The following PTDSS2 variants were observed in gnomAD, a reference collection of about 807,000 sequenced individuals.
PTDSS2 encodes the protein PSS-2.
In PTDSS2, 41 loss-of-function variants were observed where a neutral mutation model predicts 64.7. That is an observed-to-expected ratio of 0.63 (90% CI 0.49 to 0.82). The LOEUF is 0.82. Ranked by LOEUF, PTDSS2 falls within the 40% of genes least tolerant of loss-of-function variation. PTDSS2 has a pLI of 0.00. For synonymous variants in PTDSS2, 297 were observed against 277.8 expected (o/e 1.07, Z -0.69); for missense variants, 485 against 650.0 (o/e 0.75, Z 2.76).
chr11:469,555 G>A (rs1473437127), intron 2 of PTDSS2, among the ~76,000 whole-genome samples: 4 of 152,058 alleles, frequency 2.6e-5, no homozygotes, highest in African/African-American at 9.7e-5. Context: ...TCAGAGGGAC[G>A]AGGTTGGAGT....
chr11:453,135 G>A (rs551943423), intron 1 of PTDSS2, among the ~76,000 whole-genome samples: 7 of 152,290 alleles, frequency 4.6e-5, no homozygotes, highest in African/African-American at 7.2e-5. Context: ...GGGATAGGGC[G>A]TGCGGTTCGA....
intron 3 of PTDSS2, among the ~76,000 whole-genome samples, chr11:477,889 G>C (rs565269576): frequency 6.6e-6 from 1 of 152,224 alleles, no homozygotes; most frequent in African/African-American, 2.4e-5. Flanking sequence ...GATCTCAGTC[G>C]TCTGTCTTGG....
At chr11:475,092 G>A (rs1288687995) in intron 3 of PTDSS2, among the ~76,000 whole-genome samples, 1 of 64,492 alleles carries the variant, frequency 1.6e-5, no homozygotes, top group African/African-American at 7.7e-5. Flanking sequence ...GTGTTTGTGT[G>A]TGGGACATAT....
Position 484,482 on chromosome 11 carries a change from C to T in PTDSS2, c.436-2457C>T, listed in dbSNP as rs1048059611. ...TGTGTGCACTCACTGTGTGTGCAGG[C>T]GTCTGTAAACACAGCCAGTGCAGGG... On this transcript the variant is annotated intron_variant, in intron 4 of 11. Coordinates refer to ENST00000308020, the MANE Select transcript of PTDSS2 (RefSeq NM_030783.3). Among the ~76,000 whole-genome samples, 6 of 152,364 alleles carry T rather than the reference C, an allele frequency of 3.9e-5. No homozygotes were observed. The South Asian group carries it at 8.3e-4, about 21-fold the overall frequency.
chr11:490,317 C>T, intron 11 of PTDSS2, 103 bp from the exon 12 acceptor site: 3 of 1,513,640 alleles, frequency 2.0e-6, no homozygotes, highest in Non-Finnish European at 1.8e-6. Context: ...GGCACCCACC[C>T]AGTCCATTCC....
At chr11:472,894 G>A (rs540280011) in intron 2 of PTDSS2, among the ~76,000 whole-genome samples, 44 of 152,348 alleles carry the variant, frequency 2.9e-4, no homozygotes, top group African/African-American at 1.0e-3. Context: ...AACACGCCAA[G>A]GTGTGACTGT....
In PTDSS2 at chr11:450,366, C is replaced by G. The variant is rs192438757; in HGVS notation, c.-90C>G. On this transcript the variant is annotated 5_prime_UTR_variant, in exon 1 of 12. Coordinates refer to ENST00000308020, the MANE Select transcript of PTDSS2 (RefSeq NM_030783.3). ...AGCGCCGCGACCCCTTCCCAGCGCTCCTCGCGCTGTGTGCGGCGCGTCCTC... is the reference window on the plus strand; with the variant it reads ...AGCGCCGCGACCCCTTCCCAGCGCTGCTCGCGCTGTGTGCGGCGCGTCCTC... 1.0e-3 allele frequency: 1,190 copies of G among 1,138,606 alleles called. 12 individuals are homozygous for G. The African/African-American group carries it at 0.017, about 17-fold the overall frequency. 70.5% of individuals were successfully genotyped at this position (1,138,606 alleles called of 1,614,324 possible).
intron 3 of PTDSS2, among the ~76,000 whole-genome samples, chr11:475,288 G>GTTTGTGATACGGACATATTCACA (rs1847727700): frequency 7.7e-6 from 1 of 129,072 alleles, no homozygotes; most frequent in African/African-American, 3.1e-5. Context: ...CCATATTCAC[G>GTTTGTGATACGGACATATTCACA]CGTTTGTGTG....
At chr11:487,995 C>T (rs1223527389) in intron 6 of PTDSS2, among the ~76,000 whole-genome samples, 1 of 148,976 alleles carries the variant, frequency 6.7e-6, no homozygotes, top group Non-Finnish European at 1.5e-5. Context: ...GGGGGCTGCA[C>T]GCACCCGTGG....
intron 1 of PTDSS2, among the ~76,000 whole-genome samples, chr11:457,322 G>A (rs1303974418): frequency 3.3e-5 from 5 of 152,238 alleles, no homozygotes; most frequent in Admixed American, 6.5e-5. Context: ...CCGTGTCTCC[G>A]CTCCAGTCTG....
intron 3 of PTDSS2, among the ~76,000 whole-genome samples, chr11:475,429 C>A (rs1376091454): frequency 7.0e-6 from 1 of 142,286 alleles, no homozygotes; most frequent in Non-Finnish European, 1.5e-5. Context: ...TTTGTGTGTA[C>A]AGACATTCAC....
chr11:484,190 T>A (rs2133826088), intron 4 of PTDSS2, among the ~76,000 whole-genome samples: 1 of 152,356 alleles, frequency 6.6e-6, no homozygotes, highest in South Asian at 2.1e-4. Flanking sequence ...GCCCAAATTC[T>A]TTTGCCAAAA....
rs113778462 is a variant in PTDSS2 at position 479,695 on chromosome 11, T to G, written c.435+543T>G. On this transcript the variant is annotated intron_variant, in intron 4 of 11. Coordinates refer to ENST00000308020, the MANE Select transcript of PTDSS2 (RefSeq NM_030783.3). This position sits in a 1 kb window ranked among gnomAD's most constrained non-coding sequence, Gnocchi z 4.2. ...TTTGTGGTTGACCAGTGTGACTGTGTGTGCTTCTTCCCCATCCTGACCACA... is the reference window on the plus strand; with the variant it reads ...TTTGTGGTTGACCAGTGTGACTGTGGGTGCTTCTTCCCCATCCTGACCACA... Among the ~76,000 whole-genome samples, 1,099 of 151,896 alleles carry G rather than the reference T, an allele frequency of 7.2e-3. 13 individuals carry two copies. The highest frequency in any genetic ancestry group is 0.025 in the African/African-American group (1,051 of 41,332).
In PTDSS2 at chr11:487,045, A is replaced by G. The variant is rs1412683606; in HGVS notation, c.542A>G (p.Asn181Ser). 6.2e-7 allele frequency: 1 copy of G among 1,613,534 alleles called. No homozygotes were observed. Among genetic ancestry groups the G allele is most frequent in the East Asian group, 2.2e-5 (1 of 44,886 alleles). ...GGNCLIYDPD[N>S]ETDPFHNIWD... ...AACTGCCTCATCTACGACCCAGACA[A>G]TGAGACTGACCCCTTTCACAACATC... Residue 181 changes from asparagine (N) to serine (S), a missense_variant, in exon 5 of 12, where the codon AAT becomes AGT. Asn to Ser is a conservative substitution (Grantham distance 46). Coordinates refer to ENST00000308020, the MANE Select transcript of PTDSS2 (RefSeq NM_030783.3).
In PTDSS2 at chr11:489,970, C is replaced by G; in HGVS notation, c.1203C>G (p.Pro401=). The change falls in exon 11 of 12, where the codon CCC becomes CCG. Residue 401 remains proline (P), a synonymous_variant. Coordinates refer to ENST00000308020, the MANE Select transcript of PTDSS2 (RefSeq NM_030783.3). ...TGCTCATCGTGGTGAAGTACGACCC[C>G]CACACGCTCACCCTGTCCCTGCCCT... The part of the protein sequence containing the change: ...TELLIVVKYD[P]HTLTLSLPFY... 6.2e-7 allele frequency: 1 copy of G among 1,612,132 alleles called. No individual in the cohort carries two copies. The highest frequency in any genetic ancestry group is 8.5e-7 in the Non-Finnish European group (1 of 1,179,928).
intron 2 of PTDSS2, among the ~76,000 whole-genome samples, chr11:465,737 C>A (rs1847109410): frequency 6.7e-6 from 1 of 149,462 alleles, no homozygotes; most frequent in African/African-American, 2.5e-5. Context: ...CCAGCCTGGG[C>A]AACATAGTGA....
At position 473,911 on chromosome 11, in the gene PTDSS2, A is replaced by G. The variant is rs1437249192; in HGVS notation, c.301A>G (p.Ile101Val). 1.9e-6 allele frequency: 3 copies of G among 1,613,576 alleles called. No homozygotes were observed. Among genetic ancestry groups the G allele is most frequent in the Admixed American group, 3.3e-5 (2 of 60,024 alleles). The change falls in exon 3 of 12, where the codon ATT becomes GTT. Residue 101 changes from isoleucine to valine, a missense_variant. Around this residue, in one of 3 missense-constraint regions of PTDSS2, gnomAD observed 251 missense variants for 348.0 expected, o/e 0.72. Transcript: ENST00000308020. ...TATTTGCAGAGGTATTGTGGCCAGTATTTTGGTTTTCTTATGTTTTGGAGT... is the reference window on the plus strand; with the variant it reads ...TATTTGCAGAGGTATTGTGGCCAGTGTTTTGGTTTTCTTATGTTTTGGAGT... ...YNTKRGIVAS[I>V]LVFLCFGVTQ...
intron 1 of PTDSS2, among the ~76,000 whole-genome samples, chr11:456,887 A>G (rs1846622425): frequency 6.6e-6 from 1 of 152,196 alleles, no homozygotes; most frequent in South Asian, 2.1e-4. Flanking sequence ...CTAAAGAAAA[A>G]GGTGGTTGAT....
intron 2 of PTDSS2, among the ~76,000 whole-genome samples, chr11:473,542 C>A (rs888430712): frequency 1.4e-5 from 2 of 147,758 alleles, no homozygotes; most frequent in South Asian, 4.3e-4. Flanking sequence ...GGCCACTGGG[C>A]GGGCTGCAAA....
Sources: gnomAD v4.1 joint callset for allele counts (sites outside exome capture counted in the v4.1 genomes callset) on GRCh38, gnomAD v4.1.1 for gene constraint, gnomAD v4.1.1 regional missense constraint, Gnocchi (gnomAD v3.1) non-coding constraint, MANE v1.5 for transcripts, NCBI Gene and HGNC (gene_info 2026-07-23, HGNC 2026-07-21) for gene names.